Variants in CYLD observed in about 807,000 individuals in gnomAD.
CYLD encodes CYLD lysine 63 deubiquitinase.
A neutral mutation model predicts 104.5 loss-of-function variants in CYLD; 26 were observed. That is an observed-to-expected ratio of 0.25 (90% CI 0.18 to 0.35). The LOEUF is 0.35. CYLD is among the 10% of genes least tolerant of loss of function. The pLI is 1.00. For synonymous variants in CYLD, 385 were observed against 399.9 expected (o/e 0.96, Z 0.45); for missense variants, 703 against 1,136.1 (o/e 0.62, Z 5.48).
chr16:50,745,803 A>G (rs1966143180), intron 2 of CYLD, among the ~76,000 whole-genome samples: 1 of 152,128 alleles, frequency 6.6e-6, no homozygotes, highest in Non-Finnish European at 1.5e-5. Context: ...TTGATGATAA[A>G]TAACTCATTT....
rs529171948 is a variant in CYLD, at chr16:50,770,905, A to G, written c.914-4261A>G. 2.0e-4 allele frequency among the ~76,000 whole-genome samples: 31 copies of G among 152,186 alleles called. No individual in the cohort carries two copies. The South Asian group carries it at 6.4e-3, about 32-fold the overall frequency. ...TATGGTTTGCACATTTTATTTCCCA[A>G]TGTGTAGCTTGTCTTTTCATCCTCT... On this transcript the variant is annotated intron_variant, in intron 5 of 18. Coordinates refer to ENST00000427738, the MANE Select transcript of CYLD (RefSeq NM_001378743.1).
intron 2 of CYLD, among the ~76,000 whole-genome samples, chr16:50,747,436 G>C (rs987670375): frequency 2.0e-5 from 3 of 152,118 alleles, no homozygotes; most frequent in African/African-American, 7.2e-5. Context: ...ATAAGATACA[G>C]CCTTTTAACA....
chr16:50,757,558 A>G (rs1967395414), intron 5 of CYLD, among the ~76,000 whole-genome samples: 1 of 150,018 alleles, frequency 6.7e-6, no homozygotes, highest in African/African-American at 2.4e-5. Flanking sequence ...TTTTTTTGAG[A>G]CGGGGTCTCG....
At position 50,798,506 on chromosome 16, in the gene CYLD, A is replaced by T. The variant is rs933949307; in HGVS notation, c.*1998A>T. On this transcript the variant is annotated 3_prime_UTR_variant, in exon 19 of 19. Transcript: ENST00000427738. Reference sequence around the variant, plus strand: ...ATATGCAAATTCTGTACCATTTTGTATCAGGGAATTGAGCATCTTCAGATG... The same window carrying T: ...ATATGCAAATTCTGTACCATTTTGTTTCAGGGAATTGAGCATCTTCAGATG... 1 of 232,148 alleles carries T rather than the reference A, an allele frequency of 4.3e-6. No individual in the cohort carries two copies. Among genetic ancestry groups the T allele is most frequent in the Non-Finnish European group, 8.5e-6 (1 of 117,552 alleles). 14.4% of individuals were successfully genotyped at this position (232,148 alleles called of 1,614,324 possible). A position where few individuals can be genotyped will look rare whatever the true frequency, so the allele number is the denominator to read the frequency against.
At chr16:50,755,425 G>A (rs1476688721) in intron 5 of CYLD, among the ~76,000 whole-genome samples, 1 of 151,992 alleles carries the variant, frequency 6.6e-6, no homozygotes, top group Non-Finnish European at 1.5e-5. Context: ...AAACGCTAGA[G>A]CTACTTTTAT....
At position 50,782,309 on chromosome 16, in the gene CYLD, A is replaced by C. The variant is rs1272026496; in HGVS notation, c.1685-16A>C. On this transcript the variant is annotated splice_polypyrimidine_tract_variant and intron_variant, in intron 10 of 18. Coordinates refer to ENST00000427738, the MANE Select transcript of CYLD (RefSeq NM_001378743.1). ...AGAATTCTTTTCATTTACTTTTTTT[A>C]AAAAAATCTTTTCAGCATTTGGAGG... is the stretch of plus-strand genomic sequence containing the variant. The C allele has an allele frequency of 1.9e-6, 3 of 1,548,814 alleles. No homozygotes were observed. Among genetic ancestry groups the C allele is most frequent in the Non-Finnish European group, 2.7e-6 (3 of 1,131,190 alleles).
chr16:50,793,764 A>AT, intron 17 of CYLD, 100 bp downstream of exon 17: 1 of 848,208 alleles, frequency 1.2e-6, no homozygotes, highest in Non-Finnish European at 2.0e-6. Flanking sequence ...TAAAATCATA[A>AT]TTAACGGTTA....
rs763696277 is a variant in CYLD at position 50,751,932 on chromosome 16, T to G, written c.807+26T>G. On this transcript the variant is annotated intron_variant, in intron 4 of 18. Transcript: ENST00000427738. ...GTAAGAAAATTTTGGATTAAATATC[T>G]TTGTGATATATATATTAGTTTATAT... The G allele has an allele frequency of 3.7e-6, 5 of 1,365,852 alleles. No homozygotes were observed. The South Asian group carries it at 6.0e-5, about 16-fold the overall frequency. The allele number at this position is 1,365,852 out of a possible 1,614,324, so 84.6% of individuals were successfully genotyped here.
intron 11 of CYLD, among the ~76,000 whole-genome samples, chr16:50,783,120 G>A (rs1970426688): frequency 1.3e-5 from 2 of 151,654 alleles, no homozygotes; most frequent in South Asian, 4.2e-4. Flanking sequence ...CAGTAGAGAC[G>A]GGGGTTTCAC....
intron 5 of CYLD, among the ~76,000 whole-genome samples, chr16:50,770,745 C>T (rs1277809654): frequency 6.6e-6 from 1 of 152,146 alleles, no homozygotes; most frequent in Non-Finnish European, 1.5e-5. Context: ...GCCCCTGCAC[C>T]CAGCCTTCGT....
chr16:50,768,706 C>G (rs996312672), intron 5 of CYLD, among the ~76,000 whole-genome samples: 1 of 152,118 alleles, frequency 6.6e-6, no homozygotes, highest in Admixed American at 6.5e-5. Flanking sequence ...TTAGCACCAC[C>G]CCAAAATTAT....
At chr16:50,771,876 G>A (rs1406343070) in intron 5 of CYLD, among the ~76,000 whole-genome samples, 1 of 151,932 alleles carries the variant, frequency 6.6e-6, no homozygotes, top group African/African-American at 2.4e-5. Context: ...TATTTATGTG[G>A]GTCTATTTCT....
rs1390264580 is a variant in CYLD at position 50,787,818 on chromosome 16, C to G, written c.2074C>G (p.His692Asp). The change falls in exon 14 of 19, where the codon CAT (histidine) becomes GAT (aspartate). Residue 692 changes from histidine (H) to aspartate (D), a missense_variant. This residue lies in a region of CYLD where 125 missense variants were observed against 325.4 expected (regional missense o/e 0.38). Transcript: ENST00000427738. Reference protein sequence around the residue: ...PEEFLNILFHHILRVEPLLKI... With the variant: ...PEEFLNILFHDILRVEPLLKI... ...GGAATTCTTGAATATTCTGTTTCAT[C>G]ATATTTTAAGGGTAGAACCTTTGCT... The G allele has an allele frequency of 7.1e-6, 11 of 1,558,978 alleles. No individual in the cohort carries two copies. The highest frequency in any genetic ancestry group is 7.9e-6 in the Non-Finnish European group (9 of 1,133,260).
intron 5 of CYLD, among the ~76,000 whole-genome samples, chr16:50,771,549 G>A (rs1969151427): frequency 6.6e-6 from 1 of 152,140 alleles, no homozygotes; most frequent in African/African-American, 2.4e-5. Flanking sequence ...GTCATGTGGT[G>A]ACTGTGTGTT....
At chr16:50,754,906 C>T (rs1966858576) in intron 5 of CYLD, among the ~76,000 whole-genome samples, 1 of 148,430 alleles carries the variant, frequency 6.7e-6, no homozygotes, top group African/African-American at 2.5e-5. Flanking sequence ...TACATATACA[C>T]ACATATATGT....
chr16:50,770,884 G>A (rs144516988), intron 5 of CYLD, among the ~76,000 whole-genome samples: 1 of 152,140 alleles, frequency 6.6e-6, no homozygotes, highest in African/African-American at 2.4e-5. Flanking sequence ...TCAATATATG[G>A]TTTGCACATT....
chr16:50,788,040 T>C (rs1054952728), intron 14 of CYLD, among the ~76,000 whole-genome samples, 188 bp downstream of exon 14: 8 of 152,368 alleles, frequency 5.3e-5, no homozygotes, highest in East Asian at 3.9e-4. Context: ...CATAGTTTAC[T>C]TGAAGATCAA....
intron 11 of CYLD, chr16:50,784,013 C>T (rs1439827229): frequency 2.9e-6 from 1 of 342,830 alleles, no homozygotes; most frequent in African/African-American, 2.1e-5. Context: ...TTTGTAGTCT[C>T]TCTATCAACT....
chr16:50,793,745 A>G (rs1971670248), intron 17 of CYLD, 81 bp downstream of exon 17: 3 of 956,698 alleles, frequency 3.1e-6, no homozygotes, highest in East Asian at 2.4e-5. Flanking sequence ...CTCGTTTTGG[A>G]AAGTTTTTTA....
Sources: allele counts gnomAD v4.1 joint callset (sites outside exome capture counted in the v4.1 genomes callset), GRCh38; gene constraint gnomAD v4.1.1; regional missense constraint gnomAD v4.1.1; transcripts MANE v1.5; gene names NCBI Gene and HGNC (gene_info 2026-07-23, HGNC 2026-07-21).